Variants in TTC23 observed in about 807,000 individuals in gnomAD.
The protein encoded by TTC23 is tetratricopeptide repeat protein 23.
In TTC23, 58 loss-of-function variants were observed where a neutral mutation model predicts 55.1. The observed-to-expected ratio is 1.05, with a 90% CI of 0.85 to 1.31. The LOEUF (loss-of-function observed/expected upper bound fraction) is 1.31, where lower values mean the gene tolerates loss of function less well. Ranked by LOEUF, TTC23 falls within the 50% of genes most tolerant of loss-of-function variation. The pLI is 0.00. For synonymous variants in TTC23, 203 were observed against 199.9 expected, an observed-to-expected ratio of 1.02 and a Z score of -0.13; for missense variants, 516 against 534.4, an observed-to-expected ratio of 0.97 and a Z score of 0.34.
At chr15:99,205,575 T>C (rs575056025) in intron 8 of TTC23, among the ~76,000 whole-genome samples, 12 of 152,088 alleles carry the variant, frequency 7.9e-5, no homozygotes, top group African/African-American at 2.4e-4. Flanking sequence ...CTATTGTAAA[T>C]GGCATTACTT....
chr15:99,239,436 G>A (rs1483532150), intron 3 of TTC23, among the ~76,000 whole-genome samples: 2 of 151,750 alleles, frequency 1.3e-5, no homozygotes, highest in African/African-American at 4.8e-5. Flanking sequence ...AGTGAGCCGA[G>A]ACCACACCAT....
chr15:99,210,840 G>A (rs1029747556), intron 8 of TTC23, among the ~76,000 whole-genome samples: 3 of 152,128 alleles, frequency 2.0e-5, no homozygotes, highest in Non-Finnish European at 4.4e-5. Flanking sequence ...AGCAGCTTAT[G>A]GAACTAAGTA....
At chr15:99,218,301 T>A (rs1176877706) in intron 8 of TTC23, among the ~76,000 whole-genome samples, 9 of 151,742 alleles carry the variant, frequency 5.9e-5, no homozygotes, top group Non-Finnish European at 1.2e-4. Context: ...AAGAGAAGGG[T>A]GTAGGGGCTG....
At chr15:99,139,748 G>C in intron 12 of TTC23, 1 of 1,323,894 alleles carries the variant, frequency 7.6e-7, no homozygotes, top group Non-Finnish European at 1.0e-6. Flanking sequence ...TTATAGCCTG[G>C]AAAAGATTTA....
In TTC23 at chr15:99,223,662, C is replaced by G. The variant is rs374133573; in HGVS notation, c.181-1798G>C. Among the ~76,000 whole-genome samples, 341 of 152,226 alleles carry G rather than the reference C, an allele frequency of 2.2e-3. 1 individual carries two copies. Among genetic ancestry groups the G allele is most frequent in the African/African-American group, 8.0e-3 (332 of 41,522 alleles). Reference sequence around the variant, plus strand: ...AGTGCTGTGAGGAAGCCAACATGGCCCCATGGAGAGAAGACCCACATAGAA... The same window carrying G: ...AGTGCTGTGAGGAAGCCAACATGGCGCCATGGAGAGAAGACCCACATAGAA... On this transcript the variant is annotated intron_variant, in intron 5 of 13. Coordinates refer to ENST00000394132, the MANE Select transcript of TTC23 (RefSeq NM_001288615.3).
intron 1 of TTC23, among the ~76,000 whole-genome samples, chr15:99,245,752 G>A (rs2080188784): frequency 6.6e-6 from 1 of 150,926 alleles, no homozygotes; most frequent in Non-Finnish European, 1.5e-5. Flanking sequence ...TCCAAATGGA[G>A]TAAAGACTTA....
intron 9 of TTC23, among the ~76,000 whole-genome samples, chr15:99,176,319 T>C (rs1052516837): frequency 6.6e-6 from 1 of 152,124 alleles, no homozygotes; most frequent in Non-Finnish European, 1.5e-5. Flanking sequence ...AATACTAAAA[T>C]GCCATGAGTA....
chr15:99,233,363 T>C (rs1226398514), intron 4 of TTC23, among the ~76,000 whole-genome samples: 2 of 152,180 alleles, frequency 1.3e-5, no homozygotes, highest in African/African-American at 4.8e-5. Context: ...CTACAGATTC[T>C]ACAAATACTA....
chr15:99,210,078 T>TA (rs2076924358), intron 8 of TTC23, among the ~76,000 whole-genome samples: 1 of 152,116 alleles, frequency 6.6e-6, no homozygotes, highest in Non-Finnish European at 1.5e-5. Context: ...TATATTATTA[T>TA]ATGTTGTGTT....
intron 12 of TTC23, among the ~76,000 whole-genome samples, chr15:99,153,314 G>A (rs1487532241): frequency 6.6e-6 from 1 of 152,194 alleles, no homozygotes; most frequent in Non-Finnish European, 1.5e-5. Context: ...TTTTCCCCCA[G>A]GTCTGGCTAG....
At chr15:99,164,765 G>A (rs1329287603) in intron 10 of TTC23, among the ~76,000 whole-genome samples, 1 of 152,144 alleles carries the variant, frequency 6.6e-6, no homozygotes, top group Non-Finnish European at 1.5e-5. Context: ...TGACGGTAAT[G>A]CCAGGTGCTT....
chr15:99,215,837 T>C (rs2077438383), intron 8 of TTC23, among the ~76,000 whole-genome samples: 1 of 152,032 alleles, frequency 6.6e-6, no homozygotes, highest in Non-Finnish European at 1.5e-5. Flanking sequence ...GATAGAAATA[T>C]TTGATTAATC....
upstream of TTC23, chr15:99,249,603 T>C (rs2080552640): frequency 6.6e-6 from 1 of 152,208 alleles, no homozygotes. Context: ...GGCAAAAGAA[T>C]GAATGATAGA....
At chr15:99,172,144 A>G (rs1397532772) in intron 10 of TTC23, among the ~76,000 whole-genome samples, 1 of 151,892 alleles carries the variant, frequency 6.6e-6, no homozygotes, top group Non-Finnish European at 1.5e-5. Context: ...CAGCCTCCCA[A>G]GTAGCTGGGA....
chr15:99,203,922 GT>G (rs1296486409), intron 8 of TTC23, among the ~76,000 whole-genome samples: 2 of 151,898 alleles, frequency 1.3e-5, no homozygotes, highest in African/African-American at 4.8e-5. Flanking sequence ...TGAGTCCTAG[GT>G]TGGCCATTGT....
intron 2 of TTC23, among the ~76,000 whole-genome samples, chr15:99,242,254 C>G (rs1222558088): frequency 6.6e-6 from 1 of 151,162 alleles, no homozygotes; most frequent in Middle Eastern, 3.2e-3. Flanking sequence ...GAAAAACACT[C>G]TAAAAAGATA....
chr15:99,215,473 G>C (rs1420530510), intron 8 of TTC23, among the ~76,000 whole-genome samples: 2 of 152,160 alleles, frequency 1.3e-5, no homozygotes, highest in Non-Finnish European at 2.9e-5. Context: ...GGCCAGGCAT[G>C]GTGGCTCATG....
chr15:99,246,929 C>T (rs1392896524), intron 1 of TTC23, among the ~76,000 whole-genome samples: 1 of 151,928 alleles, frequency 6.6e-6, no homozygotes. Flanking sequence ...CTCAAACAAA[C>T]AAACAAACAA....
At chr15:99,202,713 A>T (rs1430101811) in intron 8 of TTC23, among the ~76,000 whole-genome samples, 1 of 152,192 alleles carries the variant, frequency 6.6e-6, no homozygotes, top group Non-Finnish European at 1.5e-5. Context: ...TTCAAATAAT[A>T]CCTGACTCCC....
Sources: gnomAD v4.1 joint callset for allele counts (sites outside exome capture counted in the v4.1 genomes callset) on GRCh38, gnomAD v4.1.1 for gene constraint, MANE v1.5 for transcripts, NCBI Gene and HGNC (gene_info 2026-07-23, HGNC 2026-07-21) for gene names.